The following SEPTIN7 variants were observed in gnomAD, a reference collection of about 807,000 sequenced individuals.
SEPTIN7 encodes septin-7.
A neutral mutation model predicts 63.3 loss-of-function variants in SEPTIN7; 10 were observed. The ratio of observed to expected loss-of-function variants is 0.16; its 90% CI spans 0.10 to 0.27. The LOEUF is 0.27. Ranked by LOEUF, SEPTIN7 falls within the 10% of genes least tolerant of loss-of-function variation. The pLI, the probability that SEPTIN7 is intolerant of heterozygous loss-of-function variation, is 1.00. For synonymous variants in SEPTIN7, 131 were observed against 165.3 expected (o/e 0.79, Z 1.59); for missense variants, 310 against 521.0 (o/e 0.59, Z 3.94).
chr7:35,813,528 C>T (rs1014525450), intron 1 of SEPTIN7, among the ~76,000 whole-genome samples: 4 of 152,138 alleles, frequency 2.6e-5, no homozygotes, highest in Non-Finnish European at 4.4e-5. Context: ...CGTGTGCCAC[C>T]ATGCCTGGCT....
chr7:35,859,233 A>C (rs1040210862), intron 3 of SEPTIN7, among the ~76,000 whole-genome samples: 1 of 151,978 alleles, frequency 6.6e-6, no homozygotes, highest in African/African-American at 2.4e-5. Flanking sequence ...GGTGTATTCT[A>C]ATTTCCCTTG....
At chr7:35,843,087 A>T (rs932095689) in intron 3 of SEPTIN7, among the ~76,000 whole-genome samples, 1 of 152,134 alleles carries the variant, frequency 6.6e-6, no homozygotes, top group Non-Finnish European at 1.5e-5. Context: ...CCATATGTGT[A>T]CTTATTTGAT....
rs773720712 is a variant in SEPTIN7 at position 35,893,626 on chromosome 7, G to T, written c.998+2833G>T. Among the ~76,000 whole-genome samples, 5 of 152,284 alleles carry T rather than the reference G, an allele frequency of 3.3e-5. 1 individual carries two copies. Among genetic ancestry groups the T allele is most frequent in the Middle Eastern group, 6.8e-3 (2 of 294 alleles). ...GTATCCCCGTTGTTAAGCAGTGCAT[G>T]ACTGTGAATCAATTTATCTTATATT... On this transcript the variant is annotated intron_variant, in intron 11 of 13. Coordinates refer to ENST00000350320, the MANE Select transcript of SEPTIN7 (RefSeq NM_001788.6).
rs749246955 is a variant in SEPTIN7 at position 35,880,562 on chromosome 7, T to C, written c.630+622T>C. ...TCAAATCCTTTGTCTTTTTGACCAG[T>C]AGTACTTGGTATTACCCGTATTTAT... On this transcript the variant is annotated intron_variant, in intron 7 of 13. Coordinates refer to ENST00000350320, the MANE Select transcript of SEPTIN7 (RefSeq NM_001788.6). Among the ~76,000 whole-genome samples the C allele has an allele frequency of 2.6e-5, 4 of 152,064 alleles. No homozygotes were observed. The East Asian group carries it at 5.8e-4, about 22-fold the overall frequency.
chr7:35,915,032 C>A, the SEPTIN7 span, among the ~76,000 whole-genome samples: 5 of 149,808 alleles, frequency 3.3e-5, no homozygotes, highest in African/African-American at 1.2e-4. Flanking sequence ...TATACATGCA[C>A]GTACATATAT....
At chr7:35,859,902 G>A (rs1785413189) in intron 3 of SEPTIN7, among the ~76,000 whole-genome samples, 1 of 152,080 alleles carries the variant, frequency 6.6e-6, no homozygotes, top group Non-Finnish European at 1.5e-5. Context: ...TTACAGATAC[G>A]CAGTTGGGTC....
At chr7:35,824,116 C>T (rs1783384735) in intron 1 of SEPTIN7, among the ~76,000 whole-genome samples, 1 of 151,808 alleles carries the variant, frequency 6.6e-6, no homozygotes, top group South Asian at 2.1e-4. Flanking sequence ...CTTATACTCA[C>T]CTCCTGTAGT....
intron 1 of SEPTIN7, chr7:35,812,128 C>CAA (rs57121305): frequency 4.0e-4 from 46 of 115,436 alleles, no homozygotes; most frequent in South Asian, 1.8e-3. Flanking sequence ...GTCTCCAAAA[C>CAA]AAAAAAAAAA....
At chr7:35,812,521 G>A (rs543939829) in intron 1 of SEPTIN7, among the ~76,000 whole-genome samples, 4 of 152,232 alleles carry the variant, frequency 2.6e-5, no homozygotes, top group African/African-American at 7.2e-5. Flanking sequence ...AAATGTCAAG[G>A]GAATGGGGGT....
intron 11 of SEPTIN7, among the ~76,000 whole-genome samples, chr7:35,895,616 G>A (rs983991645): frequency 1.3e-5 from 2 of 152,086 alleles, no homozygotes; most frequent in African/African-American, 4.8e-5. Flanking sequence ...TAGCTTTAGC[G>A]AATTTTACTG....
chr7:35,801,997 A>C (rs1788023666), intron 1 of SEPTIN7, among the ~76,000 whole-genome samples: 1 of 151,962 alleles, frequency 6.6e-6, no homozygotes, highest in South Asian at 2.1e-4. Context: ...TTGGTTTGGA[A>C]TTTGGGCTTA....
At chr7:35,842,620 AC>A (rs1467039125) in intron 3 of SEPTIN7, among the ~76,000 whole-genome samples, 1 of 152,198 alleles carries the variant, frequency 6.6e-6, no homozygotes, top group Non-Finnish European at 1.5e-5. Flanking sequence ...AAGGTCATCT[AC>A]CTAAAATACT....
chr7:35,915,316 C>T, the SEPTIN7 span, among the ~76,000 whole-genome samples: 4 of 152,140 alleles, frequency 2.6e-5, no homozygotes, highest in Non-Finnish European at 5.9e-5. Context: ...CTCATACACA[C>T]ACACTTCTGG....
chr7:35,805,030 C>T (rs1327076255), intron 1 of SEPTIN7, among the ~76,000 whole-genome samples: 6 of 151,980 alleles, frequency 3.9e-5, no homozygotes, highest in South Asian at 2.1e-4. Flanking sequence ...TACAGGCACT[C>T]GCCACCACGC....
At chr7:35,807,224 GC>G (rs1788402478) in intron 1 of SEPTIN7, among the ~76,000 whole-genome samples, 1 of 143,456 alleles carries the variant, frequency 7.0e-6, no homozygotes, top group Admixed American at 7.0e-5. Context: ...CGCTCTTGTT[GC>G]CCAGGCTGGA....
In SEPTIN7 at chr7:35,880,047, A is replaced by G. The variant is rs560133808; in HGVS notation, c.630+107A>G. 5.8e-5 allele frequency: 39 copies of G among 672,738 alleles called. 1 individual carries two copies. Among genetic ancestry groups the G allele is most frequent in the Non-Finnish European group, 2.2e-5 (8 of 367,280 alleles). 41.7% of individuals were successfully genotyped at this position (672,738 alleles called of 1,614,324 possible). On this transcript the variant is annotated intron_variant, in intron 7 of 13. Transcript: ENST00000350320. ...AATCCATTCCTCTTACTGCTTTACT[A>G]TATTGTCATTTATACTGTATTAGAA...
Position 35,832,799 on chromosome 7 carries a change from A to T in SEPTIN7, c.68A>T (p.Gln23Leu). Reference sequence around the variant, plus strand: ...CTTGGCCCTTTTTGCTTTTGTCAGCAACAGAAGAACCTTGAAGGCTATGTG... The same window carrying T: ...CTTGGCCCTTTTTGCTTTTGTCAGCTACAGAAGAACCTTGAAGGCTATGTG... ...RSVNSSTMVA[Q>L]QKNLEGYVGF... Residue 23 changes from glutamine (Q) to leucine (L), a missense_variant and splice_region_variant, in exon 3 of 14, where the codon CAA becomes CTA. Physicochemically the swap from Gln to Leu is moderately radical, Grantham distance 113. Around this residue, in one of 2 missense-constraint regions of SEPTIN7, gnomAD observed 55 missense variants for 30.5 expected, o/e 1.80. Coordinates refer to ENST00000350320, the MANE Select transcript of SEPTIN7 (RefSeq NM_001788.6). 7.5e-6 allele frequency: 12 copies of T among 1,597,238 alleles called. No individual in the cohort carries two copies. Among genetic ancestry groups the T allele is most frequent in the Non-Finnish European group, 1.0e-5 (12 of 1,164,920 alleles).
At chr7:35,830,045 G>T (rs996298896) in intron 1 of SEPTIN7, among the ~76,000 whole-genome samples, 1 of 152,062 alleles carries the variant, frequency 6.6e-6, no homozygotes, top group African/African-American at 2.4e-5. Flanking sequence ...AATTAGCCGG[G>T]TGTGGTGGCA....
intron 12 of SEPTIN7, chr7:35,899,940 A>C (rs1788211936): frequency 6.6e-6 from 1 of 152,194 alleles, no homozygotes; most frequent in Non-Finnish European, 1.5e-5. Flanking sequence ...TTTTAAAACA[A>C]TCTTTAATGA....
Sources: gnomAD v4.1 joint callset for allele counts (sites outside exome capture counted in the v4.1 genomes callset) on GRCh38, gnomAD v4.1.1 for gene constraint, gnomAD v4.1.1 regional missense constraint, MANE v1.5 for transcripts, NCBI Gene and HGNC (gene_info 2026-07-23, HGNC 2026-07-21) for gene names.